CCDC7: variants seen among roughly 807,000 people sequenced by gnomAD.
The protein encoded by CCDC7 is coiled-coil domain containing 7, also known as coiled-coil domain-containing protein 7.
CCDC7 carries 183 observed loss-of-function variants against 196.9 expected under a neutral mutation model. The observed-to-expected ratio is 0.93, with a 90% CI of 0.82 to 1.05. The LOEUF is 1.05. Ranked by LOEUF, CCDC7 falls within the 50% of genes least tolerant of loss-of-function variation. The probability of loss-of-function intolerance (pLI) is 0.00; values close to 1 mark genes in which losing one functional copy is unlikely to be tolerated. For synonymous variants in CCDC7, 525 were observed against 484.6 expected (o/e 1.08, Z -1.10); for missense variants, 1,540 against 1,482.2 (o/e 1.04, Z -0.64).
intron 12 of CCDC7, among the ~76,000 whole-genome samples, chr10:32,543,943 A>G (rs1169352185): frequency 6.6e-6 from 1 of 152,058 alleles, no homozygotes; most frequent in African/African-American, 2.4e-5. Flanking sequence ...CAAATCCTGA[A>G]AAGAAATTCA....
chr10:32,684,316 C>T (rs1039070501), intron 21 of CCDC7, among the ~76,000 whole-genome samples: 3 of 152,176 alleles, frequency 2.0e-5, no homozygotes, highest in Non-Finnish European at 4.4e-5. Context: ...CCACATGGGC[C>T]TGAATAGCGG....
intron 28 of CCDC7, among the ~76,000 whole-genome samples, chr10:32,763,098 T>C (rs185694441): frequency 8.7e-4 from 132 of 152,066 alleles, no homozygotes; most frequent in African/African-American, 3.1e-3. Context: ...AAAACATTCG[T>C]GAATCATATA....
At chr10:32,762,657 A>G (rs1592495685) in intron 28 of CCDC7, among the ~76,000 whole-genome samples, 1 of 151,882 alleles carries the variant, frequency 6.6e-6, no homozygotes, top group South Asian at 2.1e-4. Flanking sequence ...TACTGGTATA[A>G]AAACAGATGT....
intron 16 of CCDC7, among the ~76,000 whole-genome samples, chr10:32,579,175 G>A (rs2058508500): frequency 6.6e-6 from 1 of 152,010 alleles, no homozygotes; most frequent in Non-Finnish European, 1.5e-5. Context: ...AGTAAGTAGA[G>A]CTGTTTCTTT....
intron 8 of CCDC7, among the ~76,000 whole-genome samples, chr10:32,491,667 G>A (rs2042173375): frequency 6.6e-6 from 1 of 151,954 alleles, no homozygotes; most frequent in Non-Finnish European, 1.5e-5. Context: ...TTCTTTATTT[G>A]AAAATTATGA....
intron 28 of CCDC7, among the ~76,000 whole-genome samples, chr10:32,770,498 T>C (rs1213567821): frequency 1.3e-5 from 2 of 152,196 alleles, no homozygotes; most frequent in Non-Finnish European, 2.9e-5. Context: ...GATTTTGATT[T>C]TATAAAATTT....
At chr10:32,618,416 G>C (rs1590672177) in intron 18 of CCDC7, among the ~76,000 whole-genome samples, 2 of 151,434 alleles carry the variant, frequency 1.3e-5, no homozygotes, top group East Asian at 3.9e-4. Context: ...ATTTCTGTAT[G>C]TTTTCATAAT....
chr10:32,656,646 T>A (rs189710072), intron 20 of CCDC7, among the ~76,000 whole-genome samples: 2 of 152,138 alleles, frequency 1.3e-5, no homozygotes, highest in Admixed American at 6.5e-5. Context: ...CCCTCCCATG[T>A]CATGTGGGGA....
At chr10:32,795,541 A>G (rs2083418950) in intron 29 of CCDC7, among the ~76,000 whole-genome samples, 1 of 152,120 alleles carries the variant, frequency 6.6e-6, no homozygotes, top group Non-Finnish European at 1.5e-5. Flanking sequence ...GAAAACTCTC[A>G]TCATCTCATT....
chr10:32,458,378 G>T (rs562360237), intron 3 of CCDC7, among the ~76,000 whole-genome samples: 1 of 151,656 alleles, frequency 6.6e-6, no homozygotes, highest in Admixed American at 6.6e-5. Flanking sequence ...GGGTTCCATT[G>T]GTCTGTGTGT....
At chr10:32,670,858 G>A (rs1434458710) in intron 21 of CCDC7, among the ~76,000 whole-genome samples, 1 of 151,212 alleles carries the variant, frequency 6.6e-6, no homozygotes, top group Admixed American at 6.6e-5. Flanking sequence ...TAAACTTTGG[G>A]TTTAGTTTGT....
rs542460060 is a variant in CCDC7 at position 32,699,891 on chromosome 10, T to C, written c.2458+4899T>C. On this transcript the variant is annotated intron_variant, in intron 24 of 41. Transcript: ENST00000639629. ...CTGTTCATATCCTATGCCCACTTGT[T>C]GATAGGGTTGTTTGTTTTTTTCTTG... 3.1e-4 allele frequency among the ~76,000 whole-genome samples: 47 copies of C among 149,664 alleles called. 11 individuals are homozygous for C. Among genetic ancestry groups the C allele is most frequent in the African/African-American group, 1.2e-3 (47 of 39,002 alleles).
At chr10:32,542,268 A>G (rs1246236454) in intron 11 of CCDC7, among the ~76,000 whole-genome samples, 7 of 152,232 alleles carry the variant, frequency 4.6e-5, no homozygotes, top group Non-Finnish European at 8.8e-5. Context: ...TTGTTCCAAC[A>G]TAATTGAACG....
chr10:32,454,503 C>T (rs953206691), intron 2 of CCDC7, among the ~76,000 whole-genome samples: 7 of 151,886 alleles, frequency 4.6e-5, no homozygotes, highest in Admixed American at 4.6e-4. Context: ...TCATTGGTAC[C>T]CCAAACCTCA....
At chr10:32,727,575 G>C (rs533246265) in intron 26 of CCDC7, among the ~76,000 whole-genome samples, 1 of 152,226 alleles carries the variant, frequency 6.6e-6, no homozygotes, top group East Asian at 1.9e-4. Flanking sequence ...TCACTGTTTA[G>C]TAACCAGACC....
chr10:32,823,205 C>A (rs1293518864), intron 31 of CCDC7, among the ~76,000 whole-genome samples: 1 of 151,494 alleles, frequency 6.6e-6, no homozygotes, highest in Non-Finnish European at 1.5e-5. Flanking sequence ...TACAGTGATG[C>A]AATCTTGGCT....
At chr10:32,690,282 C>T (rs2141235399) in intron 23 of CCDC7, among the ~76,000 whole-genome samples, 1 of 152,272 alleles carries the variant, frequency 6.6e-6, no homozygotes, top group South Asian at 2.1e-4. Flanking sequence ...CTAGTCCTCC[C>T]CTTGGGAGCA....
chr10:32,725,375 G>C (rs1286187113), intron 25 of CCDC7: 11 of 470,874 alleles, frequency 2.3e-5, no homozygotes, highest in Non-Finnish European at 4.8e-5. Context: ...TCTTGCCCAA[G>C]ACTGAGGGTA....
intron 20 of CCDC7, among the ~76,000 whole-genome samples, chr10:32,654,011 T>G (rs1421043818): frequency 6.6e-6 from 1 of 152,180 alleles, no homozygotes; most frequent in Non-Finnish European, 1.5e-5. Context: ...TTAATTTGCT[T>G]CATTCCTTTT....
Sources: gnomAD v4.1 joint callset for allele counts (sites outside exome capture counted in the v4.1 genomes callset) on GRCh38, gnomAD v4.1.1 for gene constraint, MANE v1.5 for transcripts, NCBI Gene and HGNC (gene_info 2026-07-23, HGNC 2026-07-21) for gene names.